NTM: variants seen among roughly 807,000 people sequenced by gnomAD.
NTM encodes IgLON family member 2.
NTM carries 13 observed loss-of-function variants against 42.1 expected under a neutral mutation model. That is an observed-to-expected ratio of 0.31 (90% CI 0.20 to 0.49). The LOEUF is 0.49. NTM is among the 20% of genes least tolerant of loss of function. The probability of loss-of-function intolerance (pLI) is 0.99; values close to 1 mark genes in which losing one functional copy is unlikely to be tolerated. For missense variants in NTM, 373 were observed against 452.8 expected (o/e 0.82, Z 1.60); for synonymous variants, 187 against 179.2 (o/e 1.04, Z -0.35).
intron 4 of NTM, among the ~76,000 whole-genome samples, chr11:132,270,914 G>A (rs1423350507): frequency 2.0e-5 from 3 of 152,054 alleles, no homozygotes; most frequent in Admixed American, 6.6e-5. Context: ...GATTAACATA[G>A]CTTACACCTT....
intron 1 of NTM, among the ~76,000 whole-genome samples, chr11:131,513,726 C>T (rs2048540468): frequency 6.6e-6 from 1 of 152,152 alleles, no homozygotes; most frequent in Non-Finnish European, 1.5e-5. Context: ...GGTGGAGTGT[C>T]CCTGGCTGCA....
At chr11:131,928,915 C>G (rs1467705006) in intron 2 of NTM, among the ~76,000 whole-genome samples, 1 of 152,234 alleles carries the variant, frequency 6.6e-6, no homozygotes, top group African/African-American at 2.4e-5. Context: ...CAGCATCATT[C>G]TCACCCTTTC....
intron 1 of NTM, among the ~76,000 whole-genome samples, chr11:131,570,662 A>C (rs1283729305): frequency 6.6e-6 from 1 of 152,036 alleles, no homozygotes; most frequent in Admixed American, 6.6e-5. Flanking sequence ...GTCTCTAATA[A>C]AAATACAAAT....
At chr11:131,732,692 A>G (rs1484662081) in intron 1 of NTM, among the ~76,000 whole-genome samples, 1 of 152,188 alleles carries the variant, frequency 6.6e-6, no homozygotes, top group Admixed American at 6.5e-5. Context: ...ACAACAATGC[A>G]CCGGGCTTGA....
rs1272882557 is a variant in NTM, at chr11:132,134,230, G to A, written c.168-12052G>A. Among the ~76,000 whole-genome samples, 5 of 152,186 alleles carry A rather than the reference G, an allele frequency of 3.3e-5. No individual in the cohort carries two copies. In the South Asian group the frequency reaches 6.2e-4, roughly 19 times the overall value. The stretch of plus-strand genomic sequence containing the variant: ...GAGCCACCGTGCCTGCCCCATACCC[G>A]TATCTTTGGATACCTTTTTCTTCCT... On this transcript the variant is annotated intron_variant, in intron 2 of 8. Coordinates refer to ENST00000683400, the MANE Select transcript of NTM (RefSeq NM_001352005.2).
At chr11:131,585,659 C>A (rs2058791331) in intron 1 of NTM, among the ~76,000 whole-genome samples, 1 of 152,184 alleles carries the variant, frequency 6.6e-6, no homozygotes, top group African/African-American at 2.4e-5. Flanking sequence ...TTACATCCTC[C>A]TTCTCTATCT....
rs145634308 is a variant in NTM, at chr11:131,588,045, A to G, written c.82+217157A>G. Among the ~76,000 whole-genome samples the G allele has an allele frequency of 6.5e-4, 99 of 152,354 alleles. No individual in the cohort carries two copies. In the East Asian group the frequency reaches 0.019, roughly 29 times the overall value. ...GCACTGTTCTAAATGATTGTCATGT[A>G]TTGTCTCCTTTAATTTTACATCACC... On this transcript the variant is annotated intron_variant, in intron 1 of 8. Coordinates refer to ENST00000683400, the MANE Select transcript of NTM (RefSeq NM_001352005.2).
intron 1 of NTM, chr11:131,660,413 G>A: frequency 2.2e-6 from 1 of 453,810 alleles, no homozygotes; most frequent in South Asian, 1.6e-5. Context: ...AGAGGAGGAA[G>A]ACTCAGAGCA....
intron 1 of NTM, among the ~76,000 whole-genome samples, chr11:131,804,353 G>A (rs1334855699): frequency 6.6e-6 from 1 of 152,100 alleles, no homozygotes; most frequent in Non-Finnish European, 1.5e-5. Context: ...TTGGGGTACG[G>A]CCACACTCAT....
chr11:131,470,638 G>A (rs747870617), intron 1 of NTM, among the ~76,000 whole-genome samples: 15 of 152,124 alleles, frequency 9.9e-5, no homozygotes, highest in African/African-American at 3.4e-4. Context: ...AAGGCTCCCC[G>A]AGTTACTTCG....
At chr11:131,635,385 C>T (rs899151472) in intron 1 of NTM, among the ~76,000 whole-genome samples, 1 of 152,046 alleles carries the variant, frequency 6.6e-6, no homozygotes, top group African/African-American at 2.4e-5. Context: ...ATGTAGGTCT[C>T]AGCTAATGTG....
intron 1 of NTM, among the ~76,000 whole-genome samples, chr11:131,576,542 C>T (rs1343302627): frequency 2.6e-5 from 4 of 152,184 alleles, no homozygotes; most frequent in African/African-American, 9.6e-5. Flanking sequence ...ACTAGACACA[C>T]TGGAGAGGCT....
At chr11:131,699,649 C>A (rs1442301447) in intron 1 of NTM, among the ~76,000 whole-genome samples, 1 of 152,060 alleles carries the variant, frequency 6.6e-6, no homozygotes, top group Non-Finnish European at 1.5e-5. Context: ...AGGCCTCAGG[C>A]AGCTTACAAT....
At chr11:131,536,413 G>A (rs1352902797) in intron 1 of NTM, 1 of 152,182 alleles carries the variant, frequency 6.6e-6, no homozygotes, top group East Asian at 1.9e-4. Flanking sequence ...TGCACATAGA[G>A]TATGGAGCCC....
intron 1 of NTM, among the ~76,000 whole-genome samples, chr11:131,776,219 TAA>T (rs2086947003): frequency 1.3e-5 from 2 of 152,242 alleles, no homozygotes; most frequent in African/African-American, 4.8e-5. Context: ...CAAAGGCTTT[TAA>T]AGTCTTATTT....
chr11:131,805,587 A>G (rs892519802), intron 1 of NTM, among the ~76,000 whole-genome samples: 1 of 152,242 alleles, frequency 6.6e-6, no homozygotes, highest in Non-Finnish European at 1.5e-5. Flanking sequence ...CAGGGGCAAT[A>G]ACACTAATTT....
At chr11:132,295,913 A>G (rs1165464293) in intron 4 of NTM, among the ~76,000 whole-genome samples, 1 of 152,198 alleles carries the variant, frequency 6.6e-6, no homozygotes, top group Non-Finnish European at 1.5e-5. Flanking sequence ...GTAATAATCC[A>G]GAGTAGATAA....
chr11:131,714,744 G>A (rs2077513887), intron 1 of NTM, among the ~76,000 whole-genome samples: 1 of 152,114 alleles, frequency 6.6e-6, no homozygotes, highest in African/African-American at 2.4e-5. Context: ...ATGTACAGTT[G>A]TCCTCTATTC....
chr11:131,892,989 T>G (rs2051618097), intron 1 of NTM, among the ~76,000 whole-genome samples: 1 of 152,140 alleles, frequency 6.6e-6, no homozygotes. Flanking sequence ...AGCTAAGAAG[T>G]CACTTTGGAC....
Sources: gnomAD v4.1 joint callset for allele counts (sites outside exome capture counted in the v4.1 genomes callset) on GRCh38, gnomAD v4.1.1 for gene constraint, MANE v1.5 for transcripts, NCBI Gene and HGNC (gene_info 2026-07-23, HGNC 2026-07-21) for gene names.